TMEM209: variants seen among roughly 807,000 people sequenced by gnomAD.
TMEM209 encodes the protein testicular tissue protein Li 202.
TMEM209 carries 65 observed loss-of-function variants against 76.2 expected under a neutral mutation model. That is an observed-to-expected ratio of 0.85 (90% CI 0.70 to 1.05). TMEM209 has a LOEUF of 1.05. Ranked by LOEUF, TMEM209 falls within the 50% of genes least tolerant of loss-of-function variation. The pLI, the probability that TMEM209 is intolerant of heterozygous loss-of-function variation, is 0.00. For missense variants in TMEM209, 623 were observed against 685.5 expected, an observed-to-expected ratio of 0.91 and a Z score of 1.02; for synonymous variants, 239 against 237.6, an observed-to-expected ratio of 1.01 and a Z score of -0.06.
intron 5 of TMEM209, among the ~76,000 whole-genome samples, chr7:130,193,994 C>T (rs139703462): frequency 2.1e-4 from 32 of 151,746 alleles, no homozygotes; most frequent in Middle Eastern, 6.8e-3. Flanking sequence ...GTCAGGAGAT[C>T]GAGACCATCC....
At chr7:130,195,430 A>C (rs531570656) in intron 5 of TMEM209, among the ~76,000 whole-genome samples, 26 of 152,168 alleles carry the variant, frequency 1.7e-4, no homozygotes, top group African/African-American at 6.0e-4. Flanking sequence ...CATATATATG[A>C]CTGTAAGCTA....
At position 130,204,041 on chromosome 7, in the gene TMEM209, CCT is replaced by C. The variant is rs1798325112; in HGVS notation, c.71_72del (p.Glu24GlyfsTer2). 6.8e-6 allele frequency: 11 copies of C among 1,613,450 alleles called. No individual in the cohort carries two copies. The highest frequency in any genetic ancestry group is 1.1e-5 in the South Asian group (1 of 90,992). On this transcript the variant is annotated frameshift_variant, in exon 2 of 15. Coordinates refer to ENST00000397622, the MANE Select transcript of TMEM209 (RefSeq NM_032842.4). LOFTEE classifies it high-confidence loss of function. ...DRTIKMRKET[E>X]ARKVVLAWGL... ...CCCCAGGCTAAGACCACTTTCCTAG[CCT>C]CTGTTTCTTTTCTCATCTTGATGGT... is the stretch of plus-strand genomic sequence containing the variant.
chr7:130,191,225 GAGATAA>G (rs1247672790), intron 6 of TMEM209, among the ~76,000 whole-genome samples: 1 of 151,182 alleles, frequency 6.6e-6, no homozygotes, highest in Non-Finnish European at 1.5e-5. Context: ...AAAAGCCTAA[GAGATAA>G]AGATAAGTGG....
At chr7:130,175,813 G>C (rs1584669671) in intron 10 of TMEM209, among the ~76,000 whole-genome samples, 3 of 152,100 alleles carry the variant, frequency 2.0e-5, no homozygotes, top group South Asian at 4.1e-4. Flanking sequence ...TGGGATTTTA[G>C]ATTTATCTGA....
intron 14 of TMEM209, among the ~76,000 whole-genome samples, chr7:130,167,794 G>T (rs1157721647): frequency 1.3e-5 from 2 of 151,922 alleles, no homozygotes; most frequent in Non-Finnish European, 2.9e-5. Flanking sequence ...TGGGTTTATG[G>T]TCATAAATCC....
chr7:130,172,998 C>A (rs1401102487), intron 13 of TMEM209, among the ~76,000 whole-genome samples: 1,384 of 86,288 alleles, frequency 0.016, no homozygotes, highest in East Asian at 0.037. Flanking sequence ...GACTCTATCT[C>A]AAAAAAAAAA....
At chr7:130,200,776 C>T (rs1275169801) in intron 5 of TMEM209, among the ~76,000 whole-genome samples, 1 of 152,022 alleles carries the variant, frequency 6.6e-6, no homozygotes, top group Non-Finnish European at 1.5e-5. Context: ...ATTCTATTAC[C>T]TGCCAAAATT....
At chr7:130,189,923 AACAG>A (rs1797735383) in intron 6 of TMEM209, among the ~76,000 whole-genome samples, 4 of 152,200 alleles carry the variant, frequency 2.6e-5, no homozygotes, top group African/African-American at 9.7e-5. Context: ...CTCTTAGAGA[AACAG>A]ACTGACTCTG....
Position 130,192,819 on chromosome 7 carries a change from G to T in TMEM209, c.578C>A (p.Ala193Glu), listed in dbSNP as rs368539344. Residue 193 changes from alanine to glutamate, a missense_variant, in exon 6 of 15, where the codon GCG (alanine) becomes GAG (glutamate). Coordinates refer to ENST00000397622, the MANE Select transcript of TMEM209 (RefSeq NM_032842.4). ...AGAAGGAGGAGAGGGGCTAAAGCTC[G>T]CCAACTATACAAAATAAAAGATCTT... ...YSPVSGYNKL[A>E]SFSPSPPSPY... The T allele has an allele frequency of 1.2e-6, 2 of 1,613,410 alleles. No homozygotes were observed. The highest frequency in any genetic ancestry group is 1.7e-6 in the Non-Finnish European group (2 of 1,179,558).
intron 5 of TMEM209, among the ~76,000 whole-genome samples, chr7:130,194,972 A>G (rs1290046507): frequency 1.3e-5 from 2 of 152,146 alleles, no homozygotes; most frequent in East Asian, 3.8e-4. Context: ...TTTAAAATTA[A>G]CATATTACAT....
intron 9 of TMEM209, among the ~76,000 whole-genome samples, chr7:130,181,101 GATCT>G (rs1269688636): frequency 6.6e-6 from 1 of 152,198 alleles, no homozygotes; most frequent in African/African-American, 2.4e-5. Flanking sequence ...AAGTGTAGTA[GATCT>G]ATTTTGAATA....
chr7:130,190,294 G>T (rs1181441577), intron 6 of TMEM209, among the ~76,000 whole-genome samples: 1 of 152,192 alleles, frequency 6.6e-6, no homozygotes. Context: ...GAGGCGGGCA[G>T]ATCACCTGAG....
chr7:130,188,760 C>G (rs978084577), intron 6 of TMEM209, among the ~76,000 whole-genome samples: 2 of 151,962 alleles, frequency 1.3e-5, no homozygotes, highest in Non-Finnish European at 2.9e-5. Context: ...TCAACTTAAC[C>G]AAGTGATCCT....
chr7:130,179,220 T>G (rs1797334839), intron 9 of TMEM209, among the ~76,000 whole-genome samples: 4 of 152,290 alleles, frequency 2.6e-5, no homozygotes, highest in African/African-American at 9.6e-5. Flanking sequence ...TGGAACAGAC[T>G]AGGCACTCAA....
chr7:130,190,561 T>C (rs1179407630), intron 6 of TMEM209, among the ~76,000 whole-genome samples: 4 of 149,440 alleles, frequency 2.7e-5, no homozygotes, highest in East Asian at 1.9e-4. Context: ...ATTTTATGTA[T>C]ACTGTATTAC....
At chr7:130,183,674 G>T (rs540992191) in intron 8 of TMEM209, among the ~76,000 whole-genome samples, 1 of 152,156 alleles carries the variant, frequency 6.6e-6, no homozygotes, top group Non-Finnish European at 1.5e-5. Flanking sequence ...GGAGGAAGAC[G>T]TGGAGTTGGA....
At chr7:130,178,198 A>G (rs1797302086) in intron 10 of TMEM209, among the ~76,000 whole-genome samples, 1 of 152,236 alleles carries the variant, frequency 6.6e-6, no homozygotes, top group African/African-American at 2.4e-5. Flanking sequence ...GTCTAAAAGT[A>G]GGAAATGAGT....
At chr7:130,200,724 T>C (rs921828740) in intron 5 of TMEM209, among the ~76,000 whole-genome samples, 1 of 152,178 alleles carries the variant, frequency 6.6e-6, no homozygotes, top group Non-Finnish European at 1.5e-5. Context: ...TCACTACATA[T>C]ATACTTTCTC....
chr7:130,205,214 T>A, intron 1 of TMEM209, 159 bp downstream of exon 1: 1 of 1,574,272 alleles, frequency 6.4e-7, no homozygotes. Flanking sequence ...GGCACGAACT[T>A]CAGCAACCCT....
Sources: allele counts gnomAD v4.1 joint callset (sites outside exome capture counted in the v4.1 genomes callset), GRCh38; gene constraint gnomAD v4.1.1; transcripts MANE v1.5; gene names NCBI Gene and HGNC (gene_info 2026-07-23, HGNC 2026-07-21).